The following VPS41 variants were observed in gnomAD, a reference collection of about 807,000 sequenced individuals.
The protein encoded by VPS41 is vacuolar protein sorting-associated protein 41 homolog.
VPS41 carries 85 observed loss-of-function variants against 130.9 expected under a neutral mutation model. The observed-to-expected ratio is 0.65, with a 90% confidence interval of 0.55 to 0.78. The LOEUF (loss-of-function observed/expected upper bound fraction) is 0.78. Ranked by LOEUF, VPS41 falls within the 30% of genes least tolerant of loss-of-function variation. The pLI is 0.00. For synonymous variants in VPS41, 335 were observed against 332.9 expected, an observed-to-expected ratio of 1.01 and a Z score of -0.07; for missense variants, 874 against 1,018.7, an observed-to-expected ratio of 0.86 and a Z score of 1.93.
At chr7:38,778,994 C>T (rs892108985) in intron 10 of VPS41, among the ~76,000 whole-genome samples, 6 of 152,296 alleles carry the variant, frequency 3.9e-5, no homozygotes, top group Non-Finnish European at 7.4e-5. Flanking sequence ...ATGAGTAAGA[C>T]AGAAAATTTC....
intron 2 of VPS41, among the ~76,000 whole-genome samples, chr7:38,885,917 A>G (rs1249858184): frequency 1.3e-5 from 2 of 152,178 alleles, no homozygotes; most frequent in African/African-American, 4.8e-5. Flanking sequence ...GATGGGCTCA[A>G]TAACAGTGTG....
chr7:38,735,762 G>A lies in VPS41; in HGVS notation c.2259+6223C>T, dbSNP rs577355836. ...GTGTTTATAAGTCATCAAGTATATG[G>A]CACTTTGAAAACAACTATTCCATGA... On this transcript the variant is annotated intron_variant, in intron 25 of 28. Transcript: ENST00000310301. 2.8e-4 allele frequency among the ~76,000 whole-genome samples: 43 copies of A among 152,248 alleles called. No individual in the cohort carries two copies. The South Asian group carries it at 8.7e-3, about 31-fold the overall frequency.
intron 4 of VPS41, among the ~76,000 whole-genome samples, chr7:38,835,212 A>G (rs1785469627): frequency 1.3e-5 from 2 of 151,894 alleles, no homozygotes; most frequent in Non-Finnish European, 1.5e-5. Context: ...GCAGAAACTC[A>G]ACAATTCACT....
chr7:38,726,093 C>A lies in VPS41; in HGVS notation c.*153G>T. 1 of 600,016 alleles carries A rather than the reference C, an allele frequency of 1.7e-6. No homozygotes were observed. The highest frequency in any genetic ancestry group is 3.0e-6 in the Non-Finnish European group (1 of 338,758). The allele number at this position is 600,016 out of a possible 1,614,324, so 37.2% of individuals were successfully genotyped here. On this transcript the variant is annotated 3_prime_UTR_variant, in exon 29 of 29. Coordinates refer to ENST00000310301, the MANE Select transcript of VPS41 (RefSeq NM_014396.4). ...ATTCTCTGTGAACTGCAAAGAGAAACCATTAGTACAGGAATAGATGAAGAA... is the reference window on the plus strand; with the variant it reads ...ATTCTCTGTGAACTGCAAAGAGAAAACATTAGTACAGGAATAGATGAAGAA...
intron 3 of VPS41, among the ~76,000 whole-genome samples, chr7:38,868,935 T>C (rs564840239): frequency 6.2e-4 from 95 of 152,306 alleles, no homozygotes; most frequent in Non-Finnish European, 4.4e-5. Flanking sequence ...TTCTACTTAA[T>C]ACAGTCTTGG....
At chr7:38,892,868 C>T (rs1316724216) in intron 2 of VPS41, among the ~76,000 whole-genome samples, 2 of 152,138 alleles carry the variant, frequency 1.3e-5, no homozygotes, top group Non-Finnish European at 1.5e-5. Flanking sequence ...CCATTTGGCT[C>T]GTCTCTTCCA....
At chr7:38,832,465 C>T (rs556995521) in intron 4 of VPS41, among the ~76,000 whole-genome samples, 1 of 151,796 alleles carries the variant, frequency 6.6e-6, no homozygotes, top group Non-Finnish European at 1.5e-5. Context: ...ATTACAGGCA[C>T]GTGCCACCAC....
At chr7:38,902,288 C>T (rs1787162199) in intron 1 of VPS41, among the ~76,000 whole-genome samples, 1 of 152,092 alleles carries the variant, frequency 6.6e-6, no homozygotes, top group Non-Finnish European at 1.5e-5. Flanking sequence ...AAAGTCCTTC[C>T]CAGTCTGGCC....
At position 38,725,109 on chromosome 7, in the gene VPS41, C is replaced by G. The variant is rs1177105070; in HGVS notation, c.*1137G>C. 6.6e-6 allele frequency: 1 copy of G among 152,190 alleles called. No individual in the cohort carries two copies. The highest frequency in any genetic ancestry group is 6.5e-5 in the Admixed American group (1 of 15,286). 9.4% of individuals were successfully genotyped at this position (152,190 alleles called of 1,614,324 possible). A position where few individuals can be genotyped will look rare whatever the true frequency, so the allele number is the denominator to read the frequency against. On this transcript the variant is annotated 3_prime_UTR_variant, in exon 29 of 29. Coordinates refer to ENST00000310301, the MANE Select transcript of VPS41 (RefSeq NM_014396.4). ...GGCATGCTGTCAGTACTCACTAGCA[C>G]CCTGTCCTTTCCCCAAAAAGAAAGA...
intron 16 of VPS41, 43 bp downstream of exon 16, chr7:38,765,537 A>G (rs1277082558): frequency 2.4e-6 from 3 of 1,273,104 alleles, no homozygotes; most frequent in Non-Finnish European, 3.4e-6. Flanking sequence ...ATATTAATAT[A>G]CTACTTGCAG....
At position 38,724,490 on chromosome 7, in the gene VPS41, A is replaced by G. The variant is rs1795497291; in HGVS notation, c.*1756T>C. ...AGCCTTCCAGTTCTAAGTATTTGTG[A>G]CTAACAACAACAAAAAAATCTGTTG... is the stretch of plus-strand genomic sequence containing the variant. On this transcript the variant is annotated 3_prime_UTR_variant, in exon 29 of 29. Transcript: ENST00000310301. 1 of 152,256 alleles carries G rather than the reference A, an allele frequency of 6.6e-6. No homozygotes were observed. 9.4% of individuals were successfully genotyped at this position (152,256 alleles called of 1,614,324 possible). A position where few individuals can be genotyped will look rare whatever the true frequency, so the allele number is the denominator to read the frequency against.
chr7:38,745,527 TATGGGGACCAAA>T lies in VPS41; in HGVS notation c.1981+20_1981+31del, dbSNP rs1795969325. 6.3e-7 allele frequency: 1 copy of T among 1,580,396 alleles called. No homozygotes were observed. Among genetic ancestry groups the T allele is most frequent in the Non-Finnish European group, 8.7e-7 (1 of 1,150,614 alleles). On this transcript the variant is annotated intron_variant, in intron 23 of 28. Coordinates refer to ENST00000310301, the MANE Select transcript of VPS41 (RefSeq NM_014396.4). ...CATGTTGTCATCCCATTTCTTAGTT[TATGGGGACCAAA>T]ATGAATAAAAGCTACTTACTCAGAA...
intron 26 of VPS41, 43 bp downstream of exon 26, chr7:38,728,649 A>G (rs773548161): frequency 1.2e-6 from 2 of 1,614,006 alleles, no homozygotes; most frequent in Non-Finnish European, 1.7e-6. Flanking sequence ...CATTTCTGAA[A>G]GCAGGGCACG....
intron 27 of VPS41, chr7:38,728,322 C>A: frequency 1.4e-6 from 1 of 693,870 alleles, no homozygotes; most frequent in Non-Finnish European, 2.6e-6. Flanking sequence ...AATAAGCCTG[C>A]CAGGTGACGA....
intron 7 of VPS41, among the ~76,000 whole-genome samples, chr7:38,803,834 T>C (rs1178288180): frequency 6.6e-6 from 1 of 152,206 alleles, no homozygotes; most frequent in Non-Finnish European, 1.5e-5. Flanking sequence ...AGTGTCTTTG[T>C]TTTGCTTCGT....
intron 2 of VPS41, among the ~76,000 whole-genome samples, chr7:38,884,386 C>T (rs572805761): frequency 6.6e-6 from 1 of 152,184 alleles, no homozygotes; most frequent in Non-Finnish European, 1.5e-5. Flanking sequence ...AAAATTTACA[C>T]ATCTAACATA....
intron 3 of VPS41, 37 bp downstream of exon 3, chr7:38,869,109 C>A (rs750864616): frequency 1.2e-5 from 17 of 1,473,318 alleles, no homozygotes; most frequent in Non-Finnish European, 1.6e-5. Flanking sequence ...ACAATGGAAA[C>A]AATTTACAGA....
At chr7:38,754,656 C>A in intron 21 of VPS41, 46 bp downstream of exon 21, 3 of 1,519,864 alleles carry the variant, frequency 2.0e-6, no homozygotes, top group Non-Finnish European at 1.8e-6. Context: ...GGTGATTCAC[C>A]CACTGGTCAA....
At chr7:38,823,405 A>G in intron 5 of VPS41, among the ~76,000 whole-genome samples, 1 of 152,190 alleles carries the variant, frequency 6.6e-6, no homozygotes. Context: ...GAACTGTGAG[A>G]AATAAATTTC....
Sources: gnomAD v4.1 joint callset for allele counts (sites outside exome capture counted in the v4.1 genomes callset) on GRCh38, gnomAD v4.1.1 for gene constraint, MANE v1.5 for transcripts, NCBI Gene and HGNC (gene_info 2026-07-23, HGNC 2026-07-21) for gene names.